The following NUP214 variants were observed in gnomAD, a reference collection of about 807,000 sequenced individuals.
NUP214 encodes nuclear pore complex protein Nup214.
Under a neutral mutation model 196.2 loss-of-function variants are expected in NUP214, and 79 were observed. The ratio of observed to expected loss-of-function variants is 0.40; its 90% CI spans 0.34 to 0.49. The LOEUF is 0.49. Ranked by LOEUF, NUP214 falls within the 20% of genes least tolerant of loss-of-function variation. The probability of loss-of-function intolerance (pLI) is 0.58; values close to 1 mark genes in which losing one functional copy is unlikely to be tolerated. For missense variants in NUP214, 2,468 were observed against 2,539.0 expected, an observed-to-expected ratio of 0.97 and a Z score of 0.60; for synonymous variants, 1,020 against 990.5, an observed-to-expected ratio of 1.03 and a Z score of -0.56.
At chr9:131,151,237 C>T (rs546903725) in intron 16 of NUP214, among the ~76,000 whole-genome samples, 7 of 152,160 alleles carry the variant, frequency 4.6e-5, no homozygotes, top group Non-Finnish European at 1.5e-5. Context: ...CTGTGCCAAA[C>T]GCATCACTTG....
chr9:131,184,827 T>C (rs1252055950), intron 24 of NUP214, among the ~76,000 whole-genome samples: 1 of 152,250 alleles, frequency 6.6e-6, no homozygotes, highest in African/African-American at 2.4e-5. Flanking sequence ...GGCAGTTATA[T>C]TTCCATCGAC....
chr9:131,194,321 A>G (rs1833714244), intron 27 of NUP214: 1 of 151,978 alleles, frequency 6.6e-6, no homozygotes, highest in Non-Finnish European at 1.5e-5. Context: ...GGTGCGCGCC[A>G]CCACACCTGG....
chr9:131,233,269 G>A (rs1834927626), intron 35 of NUP214, among the ~76,000 whole-genome samples, 185 bp from the exon 36 acceptor site: 1 of 152,242 alleles, frequency 6.6e-6, no homozygotes, highest in South Asian at 2.1e-4. Flanking sequence ...CCGAGAGACA[G>A]AGGTTGCAGT....
At chr9:131,168,661 C>T (rs769476441) in intron 21 of NUP214, among the ~76,000 whole-genome samples, 1 of 152,152 alleles carries the variant, frequency 6.6e-6, no homozygotes, top group Non-Finnish European at 1.5e-5. Context: ...ATGATATGTA[C>T]CATGTATCAT....
At chr9:131,172,310 G>A (rs1832982455) in intron 21 of NUP214, among the ~76,000 whole-genome samples, 1 of 152,116 alleles carries the variant, frequency 6.6e-6, no homozygotes, top group African/African-American at 2.4e-5. Context: ...GCCAGTGATG[G>A]TGAGCATTTT....
At chr9:131,133,279 T>C (rs1831613964) in intron 7 of NUP214, 70 bp downstream of exon 7, 4 of 947,558 alleles carry the variant, frequency 4.2e-6, no homozygotes, top group Non-Finnish European at 6.1e-6. Flanking sequence ...GAGGCTTTGA[T>C]TTCAAGGGGT....
rs112811291 is a variant in NUP214, at chr9:131,151,407, G to A, written c.2278-329G>A. ...TTCAGACTCTCTGATTCCAGAGTTC[G>A]GGTCTTAAATAGTGTGTTTGGAAAG... On this transcript the variant is annotated intron_variant, in intron 16 of 35. Coordinates refer to ENST00000359428, the MANE Select transcript of NUP214 (RefSeq NM_005085.4). Among the ~76,000 whole-genome samples the A allele has an allele frequency of 6.6e-5, 10 of 152,280 alleles. 1 individual carries two copies. Among genetic ancestry groups the A allele is most frequent in the South Asian group, 2.1e-4 (1 of 4,830 alleles).
intron 24 of NUP214, among the ~76,000 whole-genome samples, chr9:131,180,313 C>T (rs753260803): frequency 5.9e-5 from 9 of 152,216 alleles, no homozygotes; most frequent in Non-Finnish European, 1.3e-4. Flanking sequence ...GTAAACTCTA[C>T]TCCAAACATA....
At position 131,232,221 on chromosome 9, in the gene NUP214, G is replaced by A. The variant is rs1834900141; in HGVS notation, c.6215-63G>A. 3 of 1,585,110 alleles carry A rather than the reference G, an allele frequency of 1.9e-6. No individual in the cohort carries two copies. Among genetic ancestry groups the A allele is most frequent in the Non-Finnish European group, 2.6e-6 (3 of 1,153,654 alleles). On this transcript the variant is annotated intron_variant, in intron 34 of 35. Transcript: ENST00000359428. This position sits in a 1 kb window ranked among gnomAD's most constrained non-coding sequence, Gnocchi z 5.1. Reference sequence around the variant, plus strand: ...ACAGAGGAGGGCAGACACTTAGCATGGGGACCACCTTTGTCTTTCGAGTGG... The same window carrying A: ...ACAGAGGAGGGCAGACACTTAGCATAGGGACCACCTTTGTCTTTCGAGTGG...
chr9:131,137,688 T>C (rs797003818), intron 9 of NUP214, among the ~76,000 whole-genome samples: 14 of 152,156 alleles, frequency 9.2e-5, no homozygotes, highest in African/African-American at 2.9e-4. Context: ...TAGCTGGGAC[T>C]GTAGGCATGC....
rs79612339 is a variant in NUP214, at chr9:131,232,723, A to T, written c.6239+415A>T. The stretch of plus-strand genomic sequence containing the variant: ...GTAAAATTTCATGGCGTTAAAATTC[A>T]GTCTTAGCCAGGTGGGTGGTTCACG... On this transcript the variant is annotated intron_variant, in intron 35 of 35. Transcript: ENST00000359428. The surrounding 1 kb of genome is among the most constrained non-coding windows in gnomAD (Gnocchi z 5.1). 1.1e-4 allele frequency: 27 copies of T among 254,354 alleles called. No homozygotes were observed. The East Asian group carries it at 2.7e-3, about 26-fold the overall frequency. 15.8% of individuals were successfully genotyped at this position (254,354 alleles called of 1,614,324 possible). A position where few individuals can be genotyped will look rare whatever the true frequency, so the allele number is the denominator to read the frequency against.
chr9:131,180,431 T>C (rs1243153487), intron 24 of NUP214, among the ~76,000 whole-genome samples: 1 of 152,256 alleles, frequency 6.6e-6, no homozygotes, highest in Non-Finnish European at 1.5e-5. Context: ...TGTTTTATTT[T>C]TAAAATTATT....
Position 131,146,158 on chromosome 9 carries a change from T to C in NUP214, c.1799T>C (p.Val600Ala), listed in dbSNP as rs767723486. 1 of 1,614,042 alleles carries C rather than the reference T, an allele frequency of 6.2e-7. No individual in the cohort carries two copies. Among genetic ancestry groups the C allele is most frequent in the African/African-American group, 1.3e-5 (1 of 74,922 alleles). The change falls in exon 13 of 36, where the codon GTT (valine) becomes GCT (alanine). Residue 600 changes from valine to alanine, a missense_variant. This residue lies in a region of NUP214 where 1,801 missense variants were observed against 1,779.4 expected (regional missense o/e 1.01). Coordinates refer to ENST00000359428, the MANE Select transcript of NUP214 (RefSeq NM_005085.4). This position sits in a 1 kb window ranked among gnomAD's most constrained non-coding sequence, Gnocchi z 4.6. ...KFTAAATSTP[V>A]SSSQSAPPMS... is the part of the protein sequence containing the mutation. ...ACTGCTGCAGCTACCTCTACTCCTG[T>C]TAGTAGCTCCCAGAGCGCACCCCCG...
At chr9:131,223,367 A>G (rs1374470475) in intron 32 of NUP214, among the ~76,000 whole-genome samples, 1 of 151,880 alleles carries the variant, frequency 6.6e-6, no homozygotes, top group Non-Finnish European at 1.5e-5. Context: ...AGGTTTCACC[A>G]TGTTGGGCAG....
At chr9:131,164,186 T>A (rs1485403854) in intron 21 of NUP214, 42 bp downstream of exon 21, 1 of 1,581,620 alleles carries the variant, frequency 6.3e-7, no homozygotes, top group South Asian at 1.1e-5. Context: ...AGTGATAGGG[T>A]GTGGTGGGGT....
In NUP214 at chr9:131,125,623, G is replaced by A; in HGVS notation, c.-82G>A. ...GCGCCGCTGGCGCTGAGGGGAGGAA[G>A]TTTGCTGTCGAGCGGCCTGGGTTCC... is the stretch of plus-strand genomic sequence containing the variant. On this transcript the variant is annotated 5_prime_UTR_variant, in exon 1 of 36. Transcript: ENST00000359428. This position sits in a 1 kb window ranked among gnomAD's most constrained non-coding sequence, Gnocchi z 4.1. The A allele has an allele frequency of 6.5e-7, 1 of 1,548,390 alleles. No individual in the cohort carries two copies.
intron 31 of NUP214, among the ~76,000 whole-genome samples, chr9:131,216,443 G>A (rs537683298): frequency 6.8e-6 from 1 of 146,600 alleles, no homozygotes; most frequent in African/African-American, 2.5e-5. Context: ...TAGCCAGGAG[G>A]TCTCGATCTC....
intron 9 of NUP214, among the ~76,000 whole-genome samples, chr9:131,138,563 G>T (rs1243717181): frequency 6.6e-6 from 1 of 152,146 alleles, no homozygotes; most frequent in Non-Finnish European, 1.5e-5. Context: ...TGTGATTCAT[G>T]CTTCCCAGTC....
At chr9:131,127,187 A>G (rs1831384621) in intron 1 of NUP214, 1 of 167,178 alleles carries the variant, frequency 6.0e-6, no homozygotes, top group Non-Finnish European at 1.3e-5. Context: ...GTTCGAGACT[A>G]GCCTGGCCAA....
Sources: allele counts gnomAD v4.1 joint callset (sites outside exome capture counted in the v4.1 genomes callset), GRCh38; gene constraint gnomAD v4.1.1; regional missense constraint gnomAD v4.1.1; non-coding constraint Gnocchi (gnomAD v3.1); transcripts MANE v1.5; gene names NCBI Gene and HGNC (gene_info 2026-07-23, HGNC 2026-07-21).